TNS1: variants seen among roughly 807,000 people sequenced by gnomAD.
TNS1 encodes the protein tensin 1.
TNS1 carries 62 observed loss-of-function variants against 168.6 expected under a neutral mutation model. That is an observed-to-expected ratio of 0.37 (90% CI 0.30 to 0.45). The LOEUF (loss-of-function observed/expected upper bound fraction) is 0.45. Ranked by LOEUF, TNS1 falls within the 20% of genes least tolerant of loss-of-function variation. The pLI, the probability that TNS1 is intolerant of heterozygous loss-of-function variation, is 1.00. For missense variants in TNS1, 2,240 were observed against 2,339.4 expected, an observed-to-expected ratio of 0.96 and a Z score of 0.88; for synonymous variants, 934 against 933.2, an observed-to-expected ratio of 1.00 and a Z score of -0.02.
chr2:217,886,756 TCTCCCCAACCAACATGGTCCCC>T, intron 12 of TNS1, 110 bp from the exon 13 acceptor site: 1 of 822,464 alleles, frequency 1.2e-6, no homozygotes, highest in Non-Finnish European at 2.0e-6. Flanking sequence ...TACTCTACCC[TCTCCCCAACCAACATGGTCCCC>T]CTCCCCAACC....
intron 3 of TNS1, among the ~76,000 whole-genome samples, chr2:217,938,771 T>C (rs564145268): frequency 6.6e-6 from 1 of 152,318 alleles, no homozygotes; most frequent in South Asian, 2.1e-4. Context: ...TTTACAGTGA[T>C]GGCAACTTTC....
rs1039489321 is a variant in TNS1, at chr2:217,884,041, C to T, written c.1246+994G>A. On this transcript the variant is annotated intron_variant, in intron 16 of 32. Coordinates refer to ENST00000682258, the MANE Select transcript of TNS1 (RefSeq NM_001387777.1). ...CTCTCACTGAGGAAACTGTGAACTC[C>T]CTGAGGGTAGGGCCTGACTTCTTTC... 1.1e-4 allele frequency among the ~76,000 whole-genome samples: 16 copies of T among 150,606 alleles called. No homozygotes were observed. In the Admixed American group the frequency reaches 1.1e-3, roughly 10 times the overall value.
intron 3 of TNS1, among the ~76,000 whole-genome samples, chr2:217,953,081 T>G (rs1204299218): frequency 6.6e-6 from 1 of 152,158 alleles, no homozygotes; most frequent in East Asian, 1.9e-4. Context: ...CCTGGCCATC[T>G]GGGGATGGAA....
chr2:217,845,324 A>C (rs188248831), intron 19 of TNS1, among the ~76,000 whole-genome samples: 263 of 152,366 alleles, frequency 1.7e-3, no homozygotes, highest in African/African-American at 5.9e-3. Flanking sequence ...AGATGTAGAC[A>C]GAGCAGAAAG....
chr2:217,955,405 G>A (rs1194747850), intron 3 of TNS1, among the ~76,000 whole-genome samples: 3 of 152,144 alleles, frequency 2.0e-5, no homozygotes, highest in Admixed American at 2.0e-4. Context: ...TTCATCCTGA[G>A]AAGTGGGCCC....
At chr2:217,830,075 C>T (rs1211776200) in intron 22 of TNS1, 1 of 804,274 alleles carries the variant, frequency 1.2e-6, no homozygotes, top group East Asian at 1.3e-4. Flanking sequence ...GCGCTGTCCA[C>T]AGAAGGACTC....
intron 3 of TNS1, among the ~76,000 whole-genome samples, chr2:217,958,024 C>T (rs1957408092): frequency 6.6e-6 from 1 of 151,972 alleles, no homozygotes; most frequent in Admixed American, 6.6e-5. Flanking sequence ...CACACACACA[C>T]ACACAAAAGG....
chr2:217,965,943 G>T (rs1265343169), intron 3 of TNS1, among the ~76,000 whole-genome samples: 1 of 151,676 alleles, frequency 6.6e-6, no homozygotes, highest in Admixed American at 6.6e-5. Context: ...GGACTCCACT[G>T]GTCTTTGTTC....
At chr2:217,956,793 G>A (rs1343662963) in intron 3 of TNS1, among the ~76,000 whole-genome samples, 2 of 152,208 alleles carry the variant, frequency 1.3e-5, no homozygotes, top group African/African-American at 2.4e-5. Flanking sequence ...TCCCAGAGGT[G>A]CCTTGGATCC....
At chr2:217,955,985 A>T (rs975571126) in intron 3 of TNS1, among the ~76,000 whole-genome samples, 1 of 152,050 alleles carries the variant, frequency 6.6e-6, no homozygotes, top group Non-Finnish European at 1.5e-5. Context: ...AGCTGCCTTG[A>T]AGTGGGAGGG....
At chr2:217,947,594 TTGTG>T (rs900275196) in intron 3 of TNS1, among the ~76,000 whole-genome samples, 1 of 151,908 alleles carries the variant, frequency 6.6e-6, no homozygotes, top group Admixed American at 6.6e-5. Flanking sequence ...GAGCAATGAA[TTGTG>T]TGTGTCGGGG....
At chr2:217,972,801 A>G (rs1378302502) in intron 3 of TNS1, among the ~76,000 whole-genome samples, 1 of 152,248 alleles carries the variant, frequency 6.6e-6, no homozygotes, top group African/African-American at 2.4e-5. Context: ...AGTGAGGATC[A>G]GCAGGGAGGA....
In TNS1 at chr2:217,964,822, G is replaced by A. The variant is rs571825347; in HGVS notation, c.186+13943C>T. On this transcript the variant is annotated intron_variant, in intron 3 of 32. Transcript: ENST00000682258. Reference sequence around the variant, plus strand: ...CGCGCCAGAGGAAACAGGCCAGGGGGTTAATCTGTGACTCGCTCTGTGTTC... The same window carrying A: ...CGCGCCAGAGGAAACAGGCCAGGGGATTAATCTGTGACTCGCTCTGTGTTC... Among the ~76,000 whole-genome samples the A allele has an allele frequency of 1.7e-4, 26 of 152,330 alleles. No homozygotes were observed. In the South Asian group the frequency reaches 1.9e-3, roughly 11 times the overall value.
chr2:217,808,696 A>T (rs774270698), intron 30 of TNS1, 25 bp from the exon 31 acceptor site: 3 of 1,612,040 alleles, frequency 1.9e-6, no homozygotes, highest in Non-Finnish European at 2.5e-6. Flanking sequence ...TCAGATAAAC[A>T]GAGAATGAGT....
chr2:217,847,863 G>A lies in TNS1; in HGVS notation c.2654C>T (p.Thr885Ile), dbSNP rs770979304. 2 of 1,580,422 alleles carry A rather than the reference G, an allele frequency of 1.3e-6. No homozygotes were observed. The highest frequency in any genetic ancestry group is 4.5e-5 in the East Asian group (2 of 44,006). ...SGSSRQSHPLTQSRSGYIPSG... is the reference protein window; with the variant it reads ...SGSSRQSHPLIQSRSGYIPSG... ...GGGGATATAGCCAGATCTGGACTGG[G>A]TCAGTGGATGGGACTGACGGGAGGA... The change falls in exon 19 of 33, where the codon ACC (threonine) becomes ATC (isoleucine). Residue 885 changes from threonine to isoleucine, a missense_variant. This residue lies in a region of TNS1 where 2,131 missense variants were observed against 2,171.2 expected (regional missense o/e 0.98). Transcript: ENST00000682258.
At chr2:217,883,612 C>T (rs534393232) in intron 16 of TNS1, among the ~76,000 whole-genome samples, 2 of 152,314 alleles carry the variant, frequency 1.3e-5, no homozygotes, top group South Asian at 4.1e-4. Flanking sequence ...TCTCCTGACT[C>T]CCACTACGTA....
intron 3 of TNS1, among the ~76,000 whole-genome samples, chr2:217,967,303 A>G (rs1232344518): frequency 6.6e-6 from 1 of 152,216 alleles, no homozygotes; most frequent in Admixed American, 6.5e-5. Context: ...CCTGGGTGAC[A>G]GAGCGAGACT....
intron 18 of TNS1, among the ~76,000 whole-genome samples, chr2:217,878,202 C>T (rs1051372851): frequency 6.6e-6 from 1 of 152,216 alleles, no homozygotes; most frequent in Non-Finnish European, 1.5e-5. Flanking sequence ...GGGTGCCACG[C>T]TCCAGCACAC....
At chr2:217,970,013 T>A (rs886265521) in intron 3 of TNS1, among the ~76,000 whole-genome samples, 23 of 151,052 alleles carry the variant, frequency 1.5e-4, no homozygotes, top group Middle Eastern at 3.4e-3. Context: ...AAAAAAAAAA[T>A]TTGTACACAG....
Sources: gnomAD v4.1 joint callset for allele counts (sites outside exome capture counted in the v4.1 genomes callset) on GRCh38, gnomAD v4.1.1 for gene constraint, gnomAD v4.1.1 regional missense constraint, MANE v1.5 for transcripts, NCBI Gene and HGNC (gene_info 2026-07-23, HGNC 2026-07-21) for gene names.